DNAJC10: variants seen among roughly 807,000 people sequenced by gnomAD.
The protein encoded by DNAJC10 is endoplasmic reticulum disulfide reductase DNAJC10.
A neutral mutation model predicts 115.0 loss-of-function variants in DNAJC10; 101 were observed. The observed-to-expected ratio is 0.88, with a 90% CI of 0.75 to 1.04. The LOEUF (loss-of-function observed/expected upper bound fraction) is 1.04, where lower values mean the gene tolerates loss of function less well. DNAJC10 is among the 50% of genes least tolerant of loss of function. The probability of loss-of-function intolerance (pLI) is 0.00; values close to 1 mark genes in which losing one functional copy is unlikely to be tolerated. For synonymous variants in DNAJC10, 307 were observed against 301.5 expected, an observed-to-expected ratio of 1.02 and a Z score of -0.19; for missense variants, 981 against 928.8, an observed-to-expected ratio of 1.06 and a Z score of -0.73.
rs148450684 is a variant in DNAJC10 at position 182,774,286 on chromosome 2, G to A, written c.2266-1030G>A. On this transcript the variant is annotated intron_variant, in intron 22 of 23. Coordinates refer to ENST00000264065, the MANE Select transcript of DNAJC10 (RefSeq NM_018981.4). ...GGCCCCTACTGGAAGGTGTCTCCCA[G>A]TCGGGCTACATGGGGATCAGGGACT... Among the ~76,000 whole-genome samples the A allele has an allele frequency of 4.4e-4, 67 of 152,342 alleles. No homozygotes were observed. The East Asian group carries it at 0.012, about 27-fold the overall frequency.
chr2:182,735,084 A>G (rs1693551671), intron 10 of DNAJC10, among the ~76,000 whole-genome samples: 1 of 151,030 alleles, frequency 6.6e-6, no homozygotes, highest in Admixed American at 6.6e-5. Context: ...TATTTGTCCT[A>G]CCTGTTTTAT....
chr2:182,753,590 T>TG (rs1559016493), intron 16 of DNAJC10, among the ~76,000 whole-genome samples: 6 of 141,550 alleles, frequency 4.2e-5, no homozygotes, highest in African/African-American at 1.3e-4. Flanking sequence ...TTTTTTTTTT[T>TG]TTTTTTTTTT....
chr2:182,733,782 C>CAGATAGATAGATAGATAGAT (rs61416628), intron 10 of DNAJC10, among the ~76,000 whole-genome samples: 7 of 142,534 alleles, frequency 4.9e-5, no homozygotes, highest in East Asian at 2.0e-4. Flanking sequence ...CAATCTCTCT[C>CAGATAGATAGATAGATAGAT]AGATAGATAG....
intron 4 of DNAJC10, among the ~76,000 whole-genome samples, chr2:182,720,920 C>G (rs888483287): frequency 8.6e-5 from 13 of 151,996 alleles, no homozygotes; most frequent in African/African-American, 3.1e-4. Context: ...GTGTTTTGGC[C>G]TTCGGTTGAC....
rs1694881086 is a variant in DNAJC10 at position 182,782,953 on chromosome 2, G to A, written c.*5821G>A. 6.6e-6 allele frequency: 1 copy of A among 152,186 alleles called. No homozygotes were observed. Among genetic ancestry groups the A allele is most frequent in the Non-Finnish European group, 1.5e-5 (1 of 68,046 alleles). The allele number at this position is 152,186 out of a possible 1,614,324, so 9.4% of individuals were successfully genotyped here. A position where few individuals can be genotyped will look rare whatever the true frequency, so the allele number is the denominator to read the frequency against. ...TGGCCAGAACTTCCAGTACATAGGAGTGGTGAGAGAGGGCATCCTTGTCTT... is the reference window on the plus strand; with the variant it reads ...TGGCCAGAACTTCCAGTACATAGGAATGGTGAGAGAGGGCATCCTTGTCTT... On this transcript the variant is annotated 3_prime_UTR_variant, in exon 24 of 24. Coordinates refer to ENST00000264065, the MANE Select transcript of DNAJC10 (RefSeq NM_018981.4).
At chr2:182,751,944 T>C in intron 15 of DNAJC10, 128 bp from the exon 16 acceptor site, 1 of 1,190,070 alleles carries the variant, frequency 8.4e-7, no homozygotes, top group Non-Finnish European at 1.2e-6. Flanking sequence ...CTAATGTAAT[T>C]ACTCCTCCAG....
chr2:182,728,576 A>C lies in DNAJC10; in HGVS notation c.419A>C (p.Asp140Ala), dbSNP rs1168245950. Residue 140 changes from aspartate (D) to alanine (A), a missense_variant and splice_region_variant, in exon 6 of 24, where the codon GAT becomes GCT. Physicochemically the swap from Asp to Ala is moderately radical, Grantham distance 126. Transcript: ENST00000264065. ...EIITLERREF[D>A]AAVNSGELWF... is the part of the protein sequence containing the mutation. ...TTGTTTGCATTTTATGTATTTTTAG[A>C]TGCTGCTGTTAATTCTGGAGAACTG... The C allele has an allele frequency of 6.2e-7, 1 of 1,604,950 alleles. No individual in the cohort carries two copies. Among genetic ancestry groups the C allele is most frequent in the Non-Finnish European group, 8.5e-7 (1 of 1,173,730 alleles).
At chr2:182,747,631 T>C (rs1693902694) in intron 14 of DNAJC10, among the ~76,000 whole-genome samples, 2 of 152,064 alleles carry the variant, frequency 1.3e-5, no homozygotes, top group African/African-American at 4.8e-5. Context: ...GATTTTGGGC[T>C]GAGACAATGT....
intron 22 of DNAJC10, among the ~76,000 whole-genome samples, chr2:182,774,823 C>G (rs1211358532): frequency 6.6e-6 from 1 of 152,348 alleles, no homozygotes; most frequent in East Asian, 1.9e-4. Context: ...CAACACCCCC[C>G]CCAATCCCCG....
Position 182,779,127 on chromosome 2 carries a change from T to C in DNAJC10, c.*1995T>C, listed in dbSNP as rs1366721593. On this transcript the variant is annotated 3_prime_UTR_variant, in exon 24 of 24. Transcript: ENST00000264065. The stretch of plus-strand genomic sequence containing the variant: ...GTGTCCTATAATTTGACCTAAGCTG[T>C]GTGCCTTTGGAATCAGCTCTAAGCC... 6.6e-6 allele frequency: 1 copy of C among 152,212 alleles called. No homozygotes were observed. Among genetic ancestry groups the C allele is most frequent in the Non-Finnish European group, 1.5e-5 (1 of 68,024 alleles). 9.4% of individuals were successfully genotyped at this position (152,212 alleles called of 1,614,324 possible). A position where few individuals can be genotyped will look rare whatever the true frequency, so the allele number is the denominator to read the frequency against.
intron 4 of DNAJC10, 120 bp from the exon 5 acceptor site, chr2:182,721,905 G>T: frequency 1.8e-6 from 1 of 547,904 alleles, no homozygotes; most frequent in Non-Finnish European, 3.1e-6. Context: ...TATTCTCTAA[G>T]TTTGAGATAT....
rs1219629268 is a variant in DNAJC10, at chr2:182,758,891, G to A, written c.1997+1G>A. 6.3e-7 allele frequency: 1 copy of A among 1,591,688 alleles called. No homozygotes were observed. Among genetic ancestry groups the A allele is most frequent in the South Asian group, 1.1e-5 (1 of 90,476 alleles). ...ATTCCCTGAGAATCTGGGGTCTAGG[G>A]TGAGTAATTAAAATATATATCATTG... On this transcript the variant is annotated splice_donor_variant, in intron 20 of 23. Coordinates refer to ENST00000264065, the MANE Select transcript of DNAJC10 (RefSeq NM_018981.4). LOFTEE classifies it high-confidence loss of function.
At chr2:182,718,829 A>T (rs963787679) in intron 3 of DNAJC10, among the ~76,000 whole-genome samples, 4 of 152,206 alleles carry the variant, frequency 2.6e-5, no homozygotes, top group Non-Finnish European at 5.9e-5. Flanking sequence ...ACATTAATGT[A>T]AATCTTTCAA....
At position 182,780,121 on chromosome 2, in the gene DNAJC10, A is replaced by G. The variant is rs1694811292; in HGVS notation, c.*2989A>G. On this transcript the variant is annotated 3_prime_UTR_variant, in exon 24 of 24. Coordinates refer to ENST00000264065, the MANE Select transcript of DNAJC10 (RefSeq NM_018981.4). ...AATATTCTACTTTACACATATACTG[A>G]AAACTTACTTACATATACCCAAATT... 6.6e-6 allele frequency: 1 copy of G among 152,170 alleles called. No homozygotes were observed. Among genetic ancestry groups the G allele is most frequent in the South Asian group, 2.1e-4 (1 of 4,834 alleles). The allele number at this position is 152,170 out of a possible 1,614,324, so 9.4% of individuals were successfully genotyped here.
At chr2:182,734,902 G>A (rs971734846) in intron 10 of DNAJC10, among the ~76,000 whole-genome samples, 1 of 150,500 alleles carries the variant, frequency 6.6e-6, no homozygotes, top group Non-Finnish European at 1.5e-5. Flanking sequence ...TTTAATGTTG[G>A]CATTTTTCCA....
chr2:182,736,810 C>T (rs528223417), intron 11 of DNAJC10, among the ~76,000 whole-genome samples: 88 of 152,184 alleles, frequency 5.8e-4, no homozygotes, highest in African/African-American at 2.0e-3. Flanking sequence ...AGTGCAGTGG[C>T]GTGATCTCGG....
rs141663327 is a variant in DNAJC10 at position 182,732,126 on chromosome 2, A to G, written c.806-373A>G. Among the ~76,000 whole-genome samples the G allele has an allele frequency of 5.9e-3, 902 of 152,232 alleles. 6 individuals carry two copies. The highest frequency in any genetic ancestry group is 0.02 in the African/African-American group (824 of 41,562). The stretch of plus-strand genomic sequence containing the variant: ...TTATTGTATTTTGAGGATCCTTTAT[A>G]TACTTCTATCAAATATCTATTACAT... On this transcript the variant is annotated intron_variant, in intron 9 of 23. Transcript: ENST00000264065.
chr2:182,729,191 C>T (rs2105621290), intron 7 of DNAJC10, 197 bp downstream of exon 7: 2 of 518,504 alleles, frequency 3.9e-6, no homozygotes, highest in East Asian at 3.8e-5. Flanking sequence ...CTCTGTTGCC[C>T]AGGCTGGAGT....
rs199506137 is a variant in DNAJC10 at position 182,743,743 on chromosome 2, C to G, written c.1306+31C>G. The G allele has an allele frequency of 2.3e-4, 320 of 1,421,994 alleles. 2 individuals carry two copies. In the African/African-American group the frequency reaches 4.2e-3, roughly 19 times the overall value. 88.1% of individuals were successfully genotyped at this position (1,421,994 alleles called of 1,614,324 possible). A position where few individuals can be genotyped will look rare whatever the true frequency, so the allele number is the denominator to read the frequency against. On this transcript the variant is annotated intron_variant, in intron 14 of 23. Coordinates refer to ENST00000264065, the MANE Select transcript of DNAJC10 (RefSeq NM_018981.4). ...AATGGAAAAAAATGATAAAAAAAAA[C>G]TTAGCTTCATTTTCAAATAGAAGTT... is the stretch of plus-strand genomic sequence containing the variant.
Sources: gnomAD v4.1 joint callset for allele counts (sites outside exome capture counted in the v4.1 genomes callset) on GRCh38, gnomAD v4.1.1 for gene constraint, MANE v1.5 for transcripts, NCBI Gene and HGNC (gene_info 2026-07-23, HGNC 2026-07-21) for gene names.